Variants in PFKFB3 observed in about 807,000 individuals in gnomAD.
PFKFB3 encodes 6-phosphofructo-2-kinase/fructose-2,6-biphosphatase 3.
Under a neutral mutation model 68.0 loss-of-function variants are expected in PFKFB3, and 33 were observed. The observed-to-expected ratio is 0.49, with a 90% CI of 0.37 to 0.65. The LOEUF is 0.65. Ranked by LOEUF, PFKFB3 falls within the 30% of genes least tolerant of loss-of-function variation. PFKFB3 has a pLI of 0.00. For missense variants in PFKFB3, 586 were observed against 712.2 expected (o/e 0.82, Z 2.02); for synonymous variants, 315 against 288.2 (o/e 1.09, Z -0.94).
At chr10:6,277,377 C>T in the PFKFB3 span, among the ~76,000 whole-genome samples, 3 of 148,738 alleles carry the variant, frequency 2.0e-5, no homozygotes, top group South Asian at 4.4e-4. Context: ...CACACCAACA[C>T]GCCCAGCTAA....
At chr10:6,210,336 G>GTTTTTTTTGT (rs1844088549) in intron 1 of PFKFB3, among the ~76,000 whole-genome samples, 1 of 61,016 alleles carries the variant, frequency 1.6e-5, no homozygotes, top group African/African-American at 3.7e-5. Context: ...CCCTCTCTTT[G>GTTTTTTTTGT]TTTTTTTTTG....
chr10:6,215,642 G>A lies in PFKFB3; in HGVS notation c.299+325G>A, dbSNP rs901572649. ...AGCTGACCCTCACTGGGACAGAGCC[G>A]CAGAAGCACCCTCACTGAGAATTAG... On this transcript the variant is annotated intron_variant, in intron 3 of 14. Transcript: ENST00000379775. The surrounding 1 kb of genome is among the most constrained non-coding windows in gnomAD (Gnocchi z 4.3). Among the ~76,000 whole-genome samples, 1 of 152,192 alleles carries A rather than the reference G, an allele frequency of 6.6e-6. No individual in the cohort carries two copies. The highest frequency in any genetic ancestry group is 1.5e-5 in the Non-Finnish European group (1 of 68,032).
intron 14 of PFKFB3, among the ~76,000 whole-genome samples, chr10:6,241,477 G>C (rs1846138789): frequency 6.6e-6 from 1 of 152,160 alleles, no homozygotes; most frequent in African/African-American, 2.4e-5. Context: ...CTTTCAAGGG[G>C]AGGGCAATGA....
At chr10:6,206,918 T>C (rs1208409146) in intron 1 of PFKFB3, among the ~76,000 whole-genome samples, 1 of 137,526 alleles carries the variant, frequency 7.3e-6, no homozygotes, top group Non-Finnish European at 1.6e-5. Flanking sequence ...TCCCAGACGA[T>C]GGGCGGCCAG....
the PFKFB3 span, among the ~76,000 whole-genome samples, chr10:6,280,730 G>A: frequency 1.4e-3 from 211 of 152,252 alleles, no homozygotes; most frequent in African/African-American, 5.0e-3. Context: ...AGAAGCAAGG[G>A]GGACTGTTCC....
rs375289985 is a variant in PFKFB3, at chr10:6,222,691, G to T, written c.1084-164G>T. ...GTGGGGAGGGCTTCACTCTTTTTGT[G>T]GCTGAGCAATAGTCCACGTTAAACC... On this transcript the variant is annotated intron_variant, in intron 10 of 14. Transcript: ENST00000379775. 7 of 663,750 alleles carry T rather than the reference G, an allele frequency of 1.1e-5. No individual in the cohort carries two copies. In the East Asian group the frequency reaches 1.4e-4, roughly 13 times the overall value. The allele number at this position is 663,750 out of a possible 1,614,324, so 41.1% of individuals were successfully genotyped here. A position where few individuals can be genotyped will look rare whatever the true frequency, so the allele number is the denominator to read the frequency against.
intron 1 of PFKFB3, among the ~76,000 whole-genome samples, chr10:6,194,325 C>T (rs916583838): frequency 1.3e-5 from 2 of 152,210 alleles, no homozygotes; most frequent in African/African-American, 4.8e-5. Flanking sequence ...TCTTGAGTCC[C>T]TGATTAATTC....
the PFKFB3 span, among the ~76,000 whole-genome samples, chr10:6,262,979 G>A: frequency 1.8e-4 from 28 of 152,138 alleles, no homozygotes; most frequent in Non-Finnish European, 3.7e-4. Flanking sequence ...AGACCACCTC[G>A]GTCGGGGAGA....
In PFKFB3 at chr10:6,226,271, C is replaced by T. The variant is rs781147637; in HGVS notation, c.1421C>T (p.Pro474Leu). Residue 474 changes from proline to leucine, a missense_variant, in exon 14 of 15, where the codon CCT becomes CTT. Coordinates refer to ENST00000379775, the MANE Select transcript of PFKFB3 (RefSeq NM_004566.4). ...GCCAGCCCCGAACCCACCAAAAAGC[C>T]TCGCATCAACAGCTTTGAGGAGCAT... is the stretch of plus-strand genomic sequence containing the variant. ...PLASPEPTKK[P>L]RINSFEEHVA... 6.2e-7 allele frequency: 1 copy of T among 1,614,188 alleles called. No individual in the cohort carries two copies.
At chr10:6,186,948 G>A (rs1842881383) in intron 1 of PFKFB3, among the ~76,000 whole-genome samples, 1 of 152,110 alleles carries the variant, frequency 6.6e-6, no homozygotes, top group Non-Finnish European at 1.5e-5. Context: ...CCAGGCAGTT[G>A]CCCAGCTCAG....
chr10:6,187,262 G>A (rs1163432774), intron 1 of PFKFB3, among the ~76,000 whole-genome samples: 1 of 151,898 alleles, frequency 6.6e-6, no homozygotes, highest in African/African-American at 2.4e-5. Context: ...TTGGGAGGCT[G>A]AGGCAGGAGA....
chr10:6,226,144 C>A, intron 13 of PFKFB3, 48 bp from the exon 14 acceptor site: 2 of 1,487,838 alleles, frequency 1.3e-6, no homozygotes, highest in Non-Finnish European at 1.8e-6. Flanking sequence ...TTTTCCTCCC[C>A]TTCTTTGTAA....
chr10:6,236,284 A>G (rs567948880), downstream of PFKFB3, among the ~76,000 whole-genome samples: 2 of 152,222 alleles, frequency 1.3e-5, no homozygotes, highest in African/African-American at 4.8e-5. Context: ...TGAGCCGGTT[A>G]TTTCACTTCC....
the PFKFB3 span, among the ~76,000 whole-genome samples, chr10:6,298,798 G>A: frequency 1.3e-5 from 2 of 152,176 alleles, no homozygotes; most frequent in Non-Finnish European, 2.9e-5. Flanking sequence ...GCACCCCAAC[G>A]CAGGTGCTCC....
the PFKFB3 span, among the ~76,000 whole-genome samples, chr10:6,287,807 G>C: frequency 6.6e-6 from 1 of 151,438 alleles, no homozygotes; most frequent in Non-Finnish European, 1.5e-5. Context: ...ACTGCTATCT[G>C]TTAGATCAAT....
chr10:6,161,967 A>C (rs1841987001), intron 1 of PFKFB3, among the ~76,000 whole-genome samples: 1 of 152,216 alleles, frequency 6.6e-6, no homozygotes, highest in African/African-American at 2.4e-5. Context: ...AGTGTTGTAC[A>C]ACCATCACCA....
At chr10:6,158,219 G>A (rs1278833162) in intron 1 of PFKFB3, among the ~76,000 whole-genome samples, 1 of 151,990 alleles carries the variant, frequency 6.6e-6, no homozygotes, top group Non-Finnish European at 1.5e-5. Context: ...AACCCGGGAG[G>A]CAGAGCTTGC....
the PFKFB3 span, among the ~76,000 whole-genome samples, chr10:6,292,266 C>CTTT: frequency 9.3e-6 from 1 of 107,284 alleles, no homozygotes; most frequent in African/African-American, 3.6e-5. Context: ...AACCAGTGTA[C>CTTT]TTTTTTTTTT....
chr10:6,200,693 G>GGGCT (rs1843318920), upstream of PFKFB3, among the ~76,000 whole-genome samples: 1 of 105,644 alleles, frequency 9.5e-6, no homozygotes, highest in Non-Finnish European at 2.1e-5. Context: ...TGGTGGTGGG[G>GGGCT]CGGGGATTGA....
Sources: allele counts gnomAD v4.1 joint callset (sites outside exome capture counted in the v4.1 genomes callset), GRCh38; gene constraint gnomAD v4.1.1; non-coding constraint Gnocchi (gnomAD v3.1); transcripts MANE v1.5; gene names NCBI Gene and HGNC (gene_info 2026-07-23, HGNC 2026-07-21).